Variants in CYP4F2 observed in about 807,000 individuals in gnomAD.
CYP4F2 encodes the protein cytochrome P450 family 4 subfamily F member 2.
A neutral mutation model predicts 58.9 loss-of-function variants in CYP4F2; 58 were observed. The observed-to-expected ratio is 0.98, with a 90% CI of 0.80 to 1.23. The LOEUF (loss-of-function observed/expected upper bound fraction) is 1.23. CYP4F2 is among the 50% of genes most tolerant of loss of function. CYP4F2 has a pLI of 0.00. For synonymous variants in CYP4F2, 287 were observed against 261.1 expected, an observed-to-expected ratio of 1.10 and a Z score of -0.95; for missense variants, 616 against 685.6, an observed-to-expected ratio of 0.90 and a Z score of 1.13.
rs745316803 is a variant in CYP4F2 at position 15,886,022 on chromosome 19, C to A, written c.1017G>T (p.Trp339Cys). ...GHDTTASGLS[W>C]VLYHLAKHPE... The stretch of plus-strand genomic sequence containing the variant: ...GGTGCTTTGCAAGGTGGTACAGGAC[C>A]CAGGAGAGACCACTGGCCGTGGTGT... The change falls in exon 9 of 13, where the codon TGG becomes TGT. Residue 339 changes from tryptophan to cysteine, a missense_variant. By Grantham distance (215) the Trp-to-Cys change is radical. Coordinates refer to ENST00000221700, the MANE Select transcript of CYP4F2 (RefSeq NM_001082.5). 5.8e-5 allele frequency: 94 copies of A among 1,613,844 alleles called. No homozygotes were observed. In the Admixed American group the frequency reaches 1.6e-3, roughly 27 times the overall value.
intron 8 of CYP4F2, 93 bp downstream of exon 8, chr19:15,886,149 A>C: frequency 6.2e-7 from 1 of 1,606,498 alleles, no homozygotes; most frequent in Non-Finnish European, 8.5e-7. Context: ...AGGATGGGGG[A>C]AGGGGGATGG....
intron 9 of CYP4F2, among the ~76,000 whole-genome samples, chr19:15,881,261 T>A (rs919276474): frequency 2.6e-5 from 4 of 152,158 alleles, no homozygotes; most frequent in Admixed American, 2.6e-4. Context: ...AACATAGGAA[T>A]GAGCTGAATA....
chr19:15,886,037 G>A lies in CYP4F2; in HGVS notation c.1002C>T (p.Ala334=). Reference sequence around the variant, plus strand: ...GGTACAGGACCCAGGAGAGACCACTGGCCGTGGTGTCATGGCCTGGGGGGC... The same window carrying A: ...GGTACAGGACCCAGGAGAGACCACTAGCCGTGGTGTCATGGCCTGGGGGGC... ...TFMFEGHDTT[A]SGLSWVLYHL... The change falls in exon 9 of 13, where the codon GCC becomes GCT. Residue 334 remains alanine (A), a synonymous_variant. Coordinates refer to ENST00000221700, the MANE Select transcript of CYP4F2 (RefSeq NM_001082.5). 1.2e-6 allele frequency: 2 copies of A among 1,613,908 alleles called. No homozygotes were observed. Among genetic ancestry groups the A allele is most frequent in the Non-Finnish European group, 1.7e-6 (2 of 1,179,922 alleles).
In CYP4F2 at chr19:15,892,428, G is replaced by A; in HGVS notation, c.406C>T (p.Leu136Phe). The change falls in exon 5 of 13, where the codon CTC (leucine) becomes TTC (phenylalanine). Residue 136 changes from leucine (L) to phenylalanine (F), a missense_variant. Leu to Phe is a conservative substitution (Grantham distance 22). Transcript: ENST00000221700. ...SFLEPWLGDG[L>F]LLSAGDKWSR... Reference sequence around the variant, plus strand: ...CACTTGTCACCAGCACTCAGCAGGAGCCCATCCCCTAGCAGGGCAGCCAAG... The same window carrying A: ...CACTTGTCACCAGCACTCAGCAGGAACCCATCCCCTAGCAGGGCAGCCAAG... 2.5e-6 allele frequency: 4 copies of A among 1,614,182 alleles called. No homozygotes were observed. Among genetic ancestry groups the A allele is most frequent in the Non-Finnish European group, 2.5e-6 (3 of 1,180,042 alleles).
At chr19:15,881,071 A>G (rs1390153866) in intron 9 of CYP4F2, among the ~76,000 whole-genome samples, 2 of 152,230 alleles carry the variant, frequency 1.3e-5, no homozygotes, top group Non-Finnish European at 2.9e-5. Flanking sequence ...CCACATACAC[A>G]TTGATGGGAA....
At chr19:15,882,836 C>A in intron 9 of CYP4F2, among the ~76,000 whole-genome samples, 1 of 152,076 alleles carries the variant, frequency 6.6e-6, no homozygotes, top group South Asian at 2.1e-4. Context: ...AAGAAAAACA[C>A]AGTATGTGTT....
intron 9 of CYP4F2, among the ~76,000 whole-genome samples, chr19:15,881,592 T>TAGAC (rs1175397930): frequency 1.1e-5 from 1 of 90,032 alleles, no homozygotes; most frequent in Admixed American, 1.1e-4. Context: ...GATAGATAGA[T>TAGAC]AGATAGATAG....
At chr19:15,883,297 T>C (rs1440683603) in intron 9 of CYP4F2, among the ~76,000 whole-genome samples, 1 of 150,076 alleles carries the variant, frequency 6.7e-6, no homozygotes, top group African/African-American at 2.5e-5. Context: ...CAAATCATCT[T>C]ATTTAAAAAT....
intron 7 of CYP4F2, among the ~76,000 whole-genome samples, chr19:15,888,750 G>A (rs917394568): frequency 6.6e-6 from 1 of 152,034 alleles, no homozygotes; most frequent in Non-Finnish European, 1.5e-5. Flanking sequence ...CACAAGCACA[G>A]GCACAGACAA....
chr19:15,895,445 T>C, intron 3 of CYP4F2, 61 bp downstream of exon 3: 2 of 1,456,184 alleles, frequency 1.4e-6, no homozygotes, highest in East Asian at 2.7e-5. Flanking sequence ...ACACAGGAGC[T>C]TGGGGATAGC....
chr19:15,889,403 C>G lies in CYP4F2; in HGVS notation c.918+20G>C, dbSNP rs2089402195. Reference sequence around the variant, plus strand: ...GAAGCTCCCTTCTACTTCTTGAATTCAGATCCCAGAGAGGCCCACCTTGCT... The same window carrying G: ...GAAGCTCCCTTCTACTTCTTGAATTGAGATCCCAGAGAGGCCCACCTTGCT... On this transcript the variant is annotated intron_variant, in intron 7 of 12. Coordinates refer to ENST00000221700, the MANE Select transcript of CYP4F2 (RefSeq NM_001082.5). 2 of 1,613,112 alleles carry G rather than the reference C, an allele frequency of 1.2e-6. No homozygotes were observed. The highest frequency in any genetic ancestry group is 1.7e-6 in the Non-Finnish European group (2 of 1,179,536).
chr19:15,881,487 A>G (rs1364582406), intron 9 of CYP4F2, among the ~76,000 whole-genome samples: 1 of 152,210 alleles, frequency 6.6e-6, no homozygotes, highest in Non-Finnish European at 1.5e-5. Flanking sequence ...AGACAGATAC[A>G]TACATAGATG....
intron 1 of CYP4F2, 136 bp from the exon 2 acceptor site, chr19:15,897,748 G>A: frequency 9.1e-7 from 1 of 1,102,936 alleles, no homozygotes; most frequent in Non-Finnish European, 1.3e-6. Flanking sequence ...GTAAAAAGGG[G>A]CTGAGAGGTA....
At chr19:15,895,774 C>A in intron 2 of CYP4F2, 124 bp from the exon 3 acceptor site, 1 of 1,226,558 alleles carries the variant, frequency 8.2e-7, no homozygotes, top group South Asian at 1.6e-5. Context: ...ATCTATTCAT[C>A]CTATCTATCT....
At position 15,894,170 on chromosome 19, in the gene CYP4F2, C is replaced by T. The variant is rs3093130; in HGVS notation, c.343+1336G>A. On this transcript the variant is annotated intron_variant, in intron 3 of 12. Coordinates refer to ENST00000221700, the MANE Select transcript of CYP4F2 (RefSeq NM_001082.5). The stretch of plus-strand genomic sequence containing the variant: ...AGCCTGAGGCTCTGAACAATAAAGT[C>T]ACTTGCCCACAGTCCCAGACCACGG... Among the ~76,000 whole-genome samples, 986 of 152,310 alleles carry T rather than the reference C, an allele frequency of 6.5e-3. 15 individuals are homozygous for T. Among genetic ancestry groups the T allele is most frequent in the African/African-American group, 0.019 (790 of 41,574 alleles).
In CYP4F2 at chr19:15,897,514, T is replaced by C. The variant is rs1018295266; in HGVS notation, c.98A>G (p.His33Arg). ...LLVGASWLLAHVLAWTYAFYD... is the reference protein window; with the variant it reads ...LLVGASWLLARVLAWTYAFYD... ...GAAGGCGTAGGTCCAGGCCAGGACA[T>C]GGGCCAGGAGCCAGGAGGCCCCGAC... The change falls in exon 2 of 13, where the codon CAT becomes CGT. Residue 33 changes from histidine (H) to arginine (R), a missense_variant. His to Arg is a conservative substitution (Grantham distance 29). Transcript: ENST00000221700. The C allele has an allele frequency of 1.2e-6, 2 of 1,613,804 alleles. No homozygotes were observed. The highest frequency in any genetic ancestry group is 2.2e-5 in the East Asian group (1 of 44,810).
At chr19:15,897,663 C>A in intron 1 of CYP4F2, 51 bp from the exon 2 acceptor site, 1 of 1,592,098 alleles carries the variant, frequency 6.3e-7, no homozygotes, top group Non-Finnish European at 8.5e-7. Context: ...AGAGAACGGC[C>A]CAGGGACCTC....
At position 15,892,521 on chromosome 19, in the gene CYP4F2, A is replaced by G. The variant is rs2089422735; in HGVS notation, c.397+8T>C. The G allele has an allele frequency of 6.2e-7, 1 of 1,614,074 alleles. No individual in the cohort carries two copies. The stretch of plus-strand genomic sequence containing the variant: ...TTTTCCCAACCCTGTTCACCTGCAG[A>G]TACTCACCCAGCCAGGGCTCCAGGA... On this transcript the variant is annotated splice_region_variant and intron_variant, in intron 4 of 12. Transcript: ENST00000221700.
rs377196772 is a variant in CYP4F2 at position 15,878,115 on chromosome 19, T to C, written c.*656A>G. ...GGACAGAAAAAAAATGTATGTGAGA[T>C]AAAATAGCAAATTTTTTTGATTGAG... is the stretch of plus-strand genomic sequence containing the variant. On this transcript the variant is annotated 3_prime_UTR_variant, in exon 13 of 13. Coordinates refer to ENST00000221700, the MANE Select transcript of CYP4F2 (RefSeq NM_001082.5). 2 of 152,256 alleles carry C rather than the reference T, an allele frequency of 1.3e-5. No homozygotes were observed. The highest frequency in any genetic ancestry group is 4.8e-5 in the African/African-American group (2 of 41,458). 9.4% of individuals were successfully genotyped at this position (152,256 alleles called of 1,614,324 possible). A position where few individuals can be genotyped will look rare whatever the true frequency, so the allele number is the denominator to read the frequency against.
Sources: allele counts gnomAD v4.1 joint callset (sites outside exome capture counted in the v4.1 genomes callset), GRCh38; gene constraint gnomAD v4.1.1; transcripts MANE v1.5; gene names NCBI Gene and HGNC (gene_info 2026-07-23, HGNC 2026-07-21).